The following CYP2C18 variants were observed in gnomAD, a reference collection of about 807,000 sequenced individuals.
CYP2C18 encodes the protein cytochrome P450 2C18.
Under a neutral mutation model 41.3 loss-of-function variants are expected in CYP2C18, and 38 were observed. The observed-to-expected ratio is 0.92, with a 90% CI of 0.71 to 1.21. The LOEUF (loss-of-function observed/expected upper bound fraction) is 1.21, where lower values mean the gene tolerates loss of function less well. Ranked by LOEUF, CYP2C18 falls within the 50% of genes most tolerant of loss-of-function variation. The probability of loss-of-function intolerance (pLI) is 0.00; values close to 1 mark genes in which losing one functional copy is unlikely to be tolerated. For missense variants in CYP2C18, 635 were observed against 591.4 expected, an observed-to-expected ratio of 1.07 and a Z score of -0.77; for synonymous variants, 236 against 210.0, an observed-to-expected ratio of 1.12 and a Z score of -1.07.
At chr10:94,715,163 C>T (rs112150590) in intron 5 of CYP2C18, among the ~76,000 whole-genome samples, 5 of 152,014 alleles carry the variant, frequency 3.3e-5, no homozygotes, top group Admixed American at 2.0e-4. Context: ...TAATTGAATA[C>T]CCTTTATTTC....
intron 4 of CYP2C18, among the ~76,000 whole-genome samples, chr10:94,705,067 C>G (rs1847316694): frequency 6.6e-6 from 1 of 152,158 alleles, no homozygotes; most frequent in African/African-American, 2.4e-5. Flanking sequence ...GGGCCTTCCA[C>G]TGCGAGCAGG....
Position 94,735,598 on chromosome 10 carries a change from T to C in CYP2C18, c.*154T>C. 1.4e-6 allele frequency: 1 copy of C among 721,992 alleles called. No individual in the cohort carries two copies. The highest frequency in any genetic ancestry group is 1.8e-5 in the South Asian group (1 of 54,446). The allele number at this position is 721,992 out of a possible 1,614,324, so 44.7% of individuals were successfully genotyped here. A position where few individuals can be genotyped will look rare whatever the true frequency, so the allele number is the denominator to read the frequency against. On this transcript the variant is annotated 3_prime_UTR_variant, in exon 9 of 9. Transcript: ENST00000285979. The stretch of plus-strand genomic sequence containing the variant: ...CTCAAGATCCAATGAACATCCAACC[T>C]CCATTAAAGAGAGTTTCTTGGGTCA...
intron 4 of CYP2C18, among the ~76,000 whole-genome samples, chr10:94,702,247 G>T (rs921702249): frequency 6.6e-6 from 1 of 152,062 alleles, no homozygotes; most frequent in Non-Finnish European, 1.5e-5. Context: ...TCTTTGTGAT[G>T]TTCCTGTATT....
intron 4 of CYP2C18, among the ~76,000 whole-genome samples, chr10:94,700,607 A>C (rs1847219269): frequency 6.6e-6 from 1 of 152,248 alleles, no homozygotes; most frequent in Non-Finnish European, 1.5e-5. Flanking sequence ...TGGCAACAAA[A>C]GCCAAATTTG....
chr10:94,717,142 T>A (rs941252195), intron 5 of CYP2C18, among the ~76,000 whole-genome samples: 1 of 152,138 alleles, frequency 6.6e-6, no homozygotes, highest in Admixed American at 6.6e-5. Flanking sequence ...TCCAGTTTGC[T>A]AGTCTGTGTC....
chr10:94,710,667 C>G (rs1008299697), intron 5 of CYP2C18, among the ~76,000 whole-genome samples: 1 of 152,134 alleles, frequency 6.6e-6, no homozygotes, highest in Non-Finnish European at 1.5e-5. Flanking sequence ...TATAAGTGCT[C>G]TACTCTCCTT....
At position 94,716,795 on chromosome 10, in the gene CYP2C18, A is replaced by G. The variant is rs187773773; in HGVS notation, c.820-3601A>G. 1.2e-4 allele frequency among the ~76,000 whole-genome samples: 19 copies of G among 152,192 alleles called. No homozygotes were observed. In the East Asian group the frequency reaches 3.5e-3, roughly 28 times the overall value. ...TGACAGTGGGGTGTTAAAGTCTCCC[A>G]TTATTGTTGTGTAGGAGTCTAATTA... On this transcript the variant is annotated intron_variant, in intron 5 of 8. Transcript: ENST00000285979.
chr10:94,711,501 G>A (rs753465267), intron 5 of CYP2C18, among the ~76,000 whole-genome samples: 4 of 152,014 alleles, frequency 2.6e-5, no homozygotes, highest in Non-Finnish European at 4.4e-5. Flanking sequence ...TCGACCTTCT[G>A]GACTCAAGTG....
rs567484684 is a variant in CYP2C18, at chr10:94,689,814, G to A, written c.481+1540G>A. On this transcript the variant is annotated intron_variant, in intron 3 of 8. Transcript: ENST00000285979. ...CCATGATACACCATGGATACAGAGT[G>A]CTGACTATATTCTCCTTGTCTTAAA... Among the ~76,000 whole-genome samples, 82 of 152,204 alleles carry A rather than the reference G, an allele frequency of 5.4e-4. 1 individual carries two copies. Among genetic ancestry groups the A allele is most frequent in the Middle Eastern group, 3.4e-3 (1 of 294 alleles).
At chr10:94,717,310 T>C (rs1399975075) in intron 5 of CYP2C18, among the ~76,000 whole-genome samples, 4 of 152,216 alleles carry the variant, frequency 2.6e-5, no homozygotes, top group African/African-American at 9.6e-5. Flanking sequence ...GTTTTTGCAG[T>C]GGCTGGTAGC....
intron 4 of CYP2C18, among the ~76,000 whole-genome samples, chr10:94,696,295 C>T (rs989791499): frequency 6.6e-6 from 1 of 152,248 alleles, no homozygotes; most frequent in Non-Finnish European, 1.5e-5. Context: ...TCCAGAGGAA[C>T]GATCAGGTAG....
intron 8 of CYP2C18, among the ~76,000 whole-genome samples, chr10:94,734,557 G>T (rs973391179): frequency 2.0e-5 from 3 of 152,158 alleles, no homozygotes; most frequent in African/African-American, 7.2e-5. Flanking sequence ...AATGACATGG[G>T]GCATAGCTTC....
chr10:94,714,334 C>A (rs77380994), intron 5 of CYP2C18, among the ~76,000 whole-genome samples: 26,765 of 152,018 alleles, frequency 0.18, 2,608 homozygotes, highest in South Asian at 0.33. Context: ...GTCTTTAATC[C>A]ATGTTGAATT....
At chr10:94,720,564 G>C (rs189684541) in intron 6 of CYP2C18, 27 bp downstream of exon 6, 2 of 1,598,480 alleles carry the variant, frequency 1.3e-6, no homozygotes, top group Admixed American at 1.7e-5. Flanking sequence ...GGTGAGCAGG[G>C]TGATTTTCAG....
chr10:94,697,948 GC>G (rs1847152918), intron 4 of CYP2C18, among the ~76,000 whole-genome samples: 1 of 152,126 alleles, frequency 6.6e-6, no homozygotes, highest in African/African-American at 2.4e-5. Context: ...AAATATATAT[GC>G]ACCCAATACA....
intron 5 of CYP2C18, 39 bp from the exon 6 acceptor site, chr10:94,720,357 C>T: frequency 6.5e-7 from 1 of 1,528,200 alleles, no homozygotes. Flanking sequence ...AATATGCTGG[C>T]AAACTACCAA....
intron 4 of CYP2C18, among the ~76,000 whole-genome samples, chr10:94,698,555 A>T (rs1386269476): frequency 6.6e-6 from 1 of 152,240 alleles, no homozygotes; most frequent in Non-Finnish European, 1.5e-5. Context: ...ACATGCTAAC[A>T]TCACAATTTA....
intron 5 of CYP2C18, among the ~76,000 whole-genome samples, chr10:94,713,800 GT>G (rs1847489913): frequency 6.6e-6 from 1 of 152,182 alleles, no homozygotes; most frequent in Non-Finnish European, 1.5e-5. Context: ...CCCACCAACA[GT>G]GTGTAAAAGT....
chr10:94,722,909 A>G (rs1449683375), intron 6 of CYP2C18, among the ~76,000 whole-genome samples: 1 of 152,092 alleles, frequency 6.6e-6, no homozygotes, highest in East Asian at 1.9e-4. Context: ...CAGTGGAAAG[A>G]CCTCCATTTT....
Sources: allele counts gnomAD v4.1 joint callset (sites outside exome capture counted in the v4.1 genomes callset), GRCh38; gene constraint gnomAD v4.1.1; transcripts MANE v1.5; gene names NCBI Gene and HGNC (gene_info 2026-07-23, HGNC 2026-07-21).